The following GMPS variants were observed in gnomAD, a reference collection of about 807,000 sequenced individuals.
GMPS encodes guanosine monophosphate synthase, also known as GMP synthase [glutamine-hydrolyzing].
In GMPS, 15 loss-of-function variants were observed where a neutral mutation model predicts 77.9. That is an observed-to-expected ratio of 0.19 (90% CI 0.13 to 0.30). GMPS has a LOEUF of 0.30. Ranked by LOEUF, GMPS falls within the 10% of genes least tolerant of loss-of-function variation. The pLI, the probability that GMPS is intolerant of heterozygous loss-of-function variation, is 1.00. For missense variants in GMPS, 590 were observed against 838.8 expected, an observed-to-expected ratio of 0.70 and a Z score of 3.66; for synonymous variants, 224 against 275.9, an observed-to-expected ratio of 0.81 and a Z score of 1.86.
intron 1 of GMPS, among the ~76,000 whole-genome samples, chr3:155,875,107 AG>A (rs1432199247): frequency 2.0e-5 from 3 of 151,964 alleles, no homozygotes; most frequent in African/African-American, 7.3e-5. Context: ...TAGTAGAGAC[AG>A]GGTTTCACCA....
chr3:155,884,091 A>G (rs899637197), intron 1 of GMPS, among the ~76,000 whole-genome samples: 1 of 151,232 alleles, frequency 6.6e-6, no homozygotes, highest in African/African-American at 2.4e-5. Flanking sequence ...AAGGATTTAA[A>G]TATCATGAGG....
chr3:155,928,522 T>C (rs1171012418), intron 12 of GMPS, among the ~76,000 whole-genome samples: 2 of 151,786 alleles, frequency 1.3e-5, no homozygotes, highest in African/African-American at 4.9e-5. Context: ...TTTTATTTAC[T>C]TATTTTAAAA....
At chr3:155,887,953 C>A (rs566462283) in intron 1 of GMPS, among the ~76,000 whole-genome samples, 1 of 152,262 alleles carries the variant, frequency 6.6e-6, no homozygotes, top group South Asian at 2.1e-4. Context: ...AACAACAGAA[C>A]TACAGAGTCT....
At chr3:155,916,706 T>C (rs1755188487) in intron 9 of GMPS, among the ~76,000 whole-genome samples, 1 of 152,228 alleles carries the variant, frequency 6.6e-6, no homozygotes, top group South Asian at 2.1e-4. Context: ...TTTTGGCTGT[T>C]ATAAGTAATG....
At chr3:155,912,271 G>T (rs752876170) in intron 7 of GMPS, among the ~76,000 whole-genome samples, 8 of 152,120 alleles carry the variant, frequency 5.3e-5, no homozygotes, top group Non-Finnish European at 1.0e-4. Flanking sequence ...AATACCTTAA[G>T]GATGTGGGAT....
intron 7 of GMPS, among the ~76,000 whole-genome samples, chr3:155,911,641 C>T (rs960760371): frequency 6.6e-6 from 1 of 151,872 alleles, no homozygotes; most frequent in Admixed American, 6.6e-5. Context: ...GTTTTGAGAT[C>T]AGCCTGGCCA....
chr3:155,913,741 A>C (rs1324858100), intron 7 of GMPS, among the ~76,000 whole-genome samples: 1 of 151,932 alleles, frequency 6.6e-6, no homozygotes, highest in Non-Finnish European at 1.5e-5. Context: ...GGCTGGTCTC[A>C]CACTGCTGAC....
intron 7 of GMPS, among the ~76,000 whole-genome samples, chr3:155,912,707 A>G (rs1209047516): frequency 6.6e-6 from 1 of 152,206 alleles, no homozygotes; most frequent in Non-Finnish European, 1.5e-5. Flanking sequence ...AGTCCTTCAA[A>G]TTGTAAAACT....
In GMPS at chr3:155,939,082, G is replaced by C. The variant is rs1014561695; in HGVS notation, c.*1390G>C. 6 of 218,256 alleles carry C rather than the reference G, an allele frequency of 2.7e-5. No homozygotes were observed. The highest frequency in any genetic ancestry group is 1.3e-4 in the African/African-American group (6 of 44,450). 13.5% of individuals were successfully genotyped at this position (218,256 alleles called of 1,614,324 possible). A position where few individuals can be genotyped will look rare whatever the true frequency, so the allele number is the denominator to read the frequency against. ...TCATCTTTTTATTCTGGCTGGTCCA[G>C]GGAACAAGAAAACTGCTGCTGGACC... On this transcript the variant is annotated 3_prime_UTR_variant, in exon 16 of 16. Transcript: ENST00000496455.
intron 1 of GMPS, among the ~76,000 whole-genome samples, chr3:155,892,157 T>C (rs1754487520): frequency 6.6e-6 from 1 of 152,146 alleles, no homozygotes; most frequent in Non-Finnish European, 1.5e-5. Context: ...ATAGTTCCAT[T>C]ACTTAGATGA....
upstream of GMPS, chr3:155,870,591 G>A: frequency 2.5e-6 from 1 of 394,340 alleles, no homozygotes; most frequent in East Asian, 3.9e-5. Context: ...CGGCTGCCAA[G>A]CCGAACGGGC....
At chr3:155,919,091 A>C in intron 9 of GMPS, 142 bp from the exon 10 acceptor site, 1 of 552,274 alleles carries the variant, frequency 1.8e-6, no homozygotes, top group South Asian at 2.8e-5. Context: ...TTAGGAACAA[A>C]TACTTTAAAA....
intron 9 of GMPS, among the ~76,000 whole-genome samples, chr3:155,918,351 C>G (rs1755236333): frequency 6.6e-6 from 1 of 152,162 alleles, no homozygotes; most frequent in Non-Finnish European, 1.5e-5. Context: ...ACTCTGGAGG[C>G]TGAGGCAGGA....
At chr3:155,879,265 CTTTTTTTTT>C (rs370727242) in intron 1 of GMPS, among the ~76,000 whole-genome samples, 1 of 122,618 alleles carries the variant, frequency 8.2e-6, no homozygotes, top group South Asian at 2.8e-4. Flanking sequence ...CTGCACTTGT[CTTTTTTTTT>C]TTTTTTTTTT....
chr3:155,893,748 G>A lies in GMPS; in HGVS notation c.209+49G>A, dbSNP rs567165049. 23 of 1,004,066 alleles carry A rather than the reference G, an allele frequency of 2.3e-5. No homozygotes were observed. The East Asian group carries it at 6.2e-4, about 27-fold the overall frequency. The allele number at this position is 1,004,066 out of a possible 1,614,324, so 62.2% of individuals were successfully genotyped here. ...ATGAGGAGATTGAACTTAGATTGTGGAATATTTTATTATTAATTTTCTTGA... is the reference window on the plus strand; with the variant it reads ...ATGAGGAGATTGAACTTAGATTGTGAAATATTTTATTATTAATTTTCTTGA... On this transcript the variant is annotated intron_variant, in intron 2 of 15. Transcript: ENST00000496455.
chr3:155,891,007 T>C (rs1026965235), intron 1 of GMPS, among the ~76,000 whole-genome samples: 13 of 152,218 alleles, frequency 8.5e-5, no homozygotes, highest in African/African-American at 3.1e-4. Flanking sequence ...CATTGACCAA[T>C]CACCAATAGA....
At chr3:155,869,445 A>T (rs1352249157), upstream of GMPS, among the ~76,000 whole-genome samples, 1 of 152,212 alleles carries the variant, frequency 6.6e-6, no homozygotes, top group Admixed American at 6.5e-5. Context: ...GCCAGTATCC[A>T]TGGCTTTGGA....
chr3:155,907,226 C>A (rs541610535), intron 5 of GMPS, among the ~76,000 whole-genome samples: 1 of 152,188 alleles, frequency 6.6e-6, no homozygotes, highest in Admixed American at 6.5e-5. Flanking sequence ...TATTTTTATT[C>A]ATCCAACAAA....
intron 4 of GMPS, 26 bp downstream of exon 4, chr3:155,903,986 A>G (rs1462788555): frequency 1.2e-6 from 1 of 856,648 alleles, no homozygotes; most frequent in Non-Finnish European, 1.8e-6. Flanking sequence ...ATGAATAAGA[A>G]CAATAGTAAT....
Sources: gnomAD v4.1 joint callset for allele counts (sites outside exome capture counted in the v4.1 genomes callset) on GRCh38, gnomAD v4.1.1 for gene constraint, MANE v1.5 for transcripts, NCBI Gene and HGNC (gene_info 2026-07-23, HGNC 2026-07-21) for gene names.